The following HSPA5 variants were observed in gnomAD, a reference collection of about 807,000 sequenced individuals.
HSPA5 encodes the protein endoplasmic reticulum chaperone BiP.
A neutral mutation model predicts 49.5 loss-of-function variants in HSPA5; 16 were observed. The observed-to-expected ratio is 0.32, with a 90% CI of 0.22 to 0.49. The LOEUF is 0.49. Ranked by LOEUF, HSPA5 falls within the 20% of genes least tolerant of loss-of-function variation. The probability of loss-of-function intolerance (pLI) is 0.99; values close to 1 mark genes in which losing one functional copy is unlikely to be tolerated. For missense variants in HSPA5, 376 were observed against 819.0 expected, an observed-to-expected ratio of 0.46 and a Z score of 6.60; for synonymous variants, 271 against 307.2, an observed-to-expected ratio of 0.88 and a Z score of 1.23.
chr9:125,241,001 T>C lies in HSPA5; in HGVS notation c.122+4A>G, dbSNP rs928596582. 1.9e-6 allele frequency: 3 copies of C among 1,612,830 alleles called. No individual in the cohort carries two copies. The highest frequency in any genetic ancestry group is 1.7e-6 in the Non-Finnish European group (2 of 1,179,376). ...CGTCCCCCTGCATCCGCAACCCCACTTACCAGGAGTAGGTGGTCCCCAGGT... is the reference window on the plus strand; with the variant it reads ...CGTCCCCCTGCATCCGCAACCCCACCTACCAGGAGTAGGTGGTCCCCAGGT... On this transcript the variant is annotated splice_donor_region_variant and intron_variant, in intron 1 of 7. Coordinates refer to ENST00000324460, the MANE Select transcript of HSPA5 (RefSeq NM_005347.5).
At position 125,238,127 on chromosome 9, in the gene HSPA5, A is replaced by C; in HGVS notation, c.1402+14T>G. ...AAAAAAAAAGCCATGATATTAACAA[A>C]CTTAAGTAATTACCTTCATAGACCT... On this transcript the variant is annotated intron_variant, in intron 7 of 7. Transcript: ENST00000324460. 1 of 1,607,666 alleles carries C rather than the reference A, an allele frequency of 6.2e-7. No homozygotes were observed.
Position 125,241,165 on chromosome 9 carries a change from C to G in HSPA5, c.-39G>C, listed in dbSNP as rs1373707952. 1.9e-6 allele frequency: 3 copies of G among 1,595,098 alleles called. No individual in the cohort carries two copies. The highest frequency in any genetic ancestry group is 2.6e-6 in the Non-Finnish European group (3 of 1,172,584). ...TGGGCAGCAGCAGGCAGTCCAGCCACAGGCCGTAGCACAGGAGCACAGCGC... is the reference window on the plus strand; with the variant it reads ...TGGGCAGCAGCAGGCAGTCCAGCCAGAGGCCGTAGCACAGGAGCACAGCGC... On this transcript the variant is annotated 5_prime_UTR_variant, in exon 1 of 8. Transcript: ENST00000324460.
chr9:125,236,400 T>C lies in HSPA5; in HGVS notation c.*192A>G. On this transcript the variant is annotated 3_prime_UTR_variant, in exon 8 of 8. Coordinates refer to ENST00000324460, the MANE Select transcript of HSPA5 (RefSeq NM_005347.5). ...TTTTTAAGATGGCCAATTCTTCTTCTCCCCCCCACCCAAAGACATGTGAGC... is the reference window on the plus strand; with the variant it reads ...TTTTTAAGATGGCCAATTCTTCTTCCCCCCCCCACCCAAAGACATGTGAGC... 1 of 485,094 alleles carries C rather than the reference T, an allele frequency of 2.1e-6. No individual in the cohort carries two copies. 30.0% of individuals were successfully genotyped at this position (485,094 alleles called of 1,614,324 possible). A position where few individuals can be genotyped will look rare whatever the true frequency, so the allele number is the denominator to read the frequency against.
rs779884716 is a variant in HSPA5, at chr9:125,238,805, T to C, written c.1019A>G (p.Lys340Arg). ...ATCTTCCAACACTTTCTGGACGGGC[T>C]TCATAGTAGACCGGAACAGATCCTA... ...LNMDLFRSTM[K>R]PVQKVLEDSD... The change falls in exon 6 of 8, where the codon AAG (lysine) becomes AGG (arginine). Residue 340 changes from lysine (K) to arginine (R), a missense_variant. Coordinates refer to ENST00000324460, the MANE Select transcript of HSPA5 (RefSeq NM_005347.5). The C allele has an allele frequency of 2.5e-6, 4 of 1,614,168 alleles. No individual in the cohort carries two copies. In the South Asian group the frequency reaches 4.4e-5, roughly 18 times the overall value.
In HSPA5 at chr9:125,236,011, G is replaced by A. The variant is rs1832486863; in HGVS notation, c.*581C>T. 6.6e-6 allele frequency: 1 copy of A among 151,628 alleles called. No individual in the cohort carries two copies. Among genetic ancestry groups the A allele is most frequent in the South Asian group, 2.1e-4 (1 of 4,796 alleles). 9.4% of individuals were successfully genotyped at this position (151,628 alleles called of 1,614,324 possible). On this transcript the variant is annotated 3_prime_UTR_variant, in exon 8 of 8. Transcript: ENST00000324460. ...TTAGATTAATGCAAAAGCCGAGCAT[G>A]GTGGTAACAAGCCTGTGGTCTCAAT...
chr9:125,238,039 T>C, intron 7 of HSPA5, 102 bp downstream of exon 7: 1 of 853,054 alleles, frequency 1.2e-6, no homozygotes, highest in Non-Finnish European at 1.9e-6. Context: ...GAGACAGAAT[T>C]TGCAGTGAGC....
rs11542737 is a variant in HSPA5 at position 125,241,180 on chromosome 9, G to A, written c.-54C>T. On this transcript the variant is annotated 5_prime_UTR_variant, in exon 1 of 8. Transcript: ENST00000324460. The stretch of plus-strand genomic sequence containing the variant: ...AGTCCAGCCACAGGCCGTAGCACAG[G>A]AGCACAGCGCAATTTCCGACTTGCA... 179 of 1,563,020 alleles carry A rather than the reference G, an allele frequency of 1.1e-4. No homozygotes were observed. The African/African-American group carries it at 2.1e-3, about 19-fold the overall frequency.
chr9:125,238,681 G>T lies in HSPA5; in HGVS notation c.1143C>A (p.Gly381=). The change falls in exon 6 of 8, where the codon GGC becomes GGA. Residue 381 remains glycine (G), a synonymous_variant. Coordinates refer to ENST00000324460, the MANE Select transcript of HSPA5 (RefSeq NM_005347.5). ...IQQLVKEFFN[G]KEPSRGINPD... Reference sequence around the variant, plus strand: ...GGTTTATGCCACGGGATGGTTCCTTGCCATTGAAGAACTCTTTAACCAGTT... The same window carrying T: ...GGTTTATGCCACGGGATGGTTCCTTTCCATTGAAGAACTCTTTAACCAGTT... 6.2e-7 allele frequency: 1 copy of T among 1,614,132 alleles called. No individual in the cohort carries two copies. Among genetic ancestry groups the T allele is most frequent in the Non-Finnish European group, 8.5e-7 (1 of 1,180,018 alleles).
In HSPA5 at chr9:125,241,204, C is replaced by T. The variant is rs1360647582; in HGVS notation, c.-78G>A. ...GGAGCACAGCGCAATTTCCGACTTGCAGGCGGCAGGGGCCCGGGGTCACAA... is the reference window on the plus strand; with the variant it reads ...GGAGCACAGCGCAATTTCCGACTTGTAGGCGGCAGGGGCCCGGGGTCACAA... On this transcript the variant is annotated 5_prime_UTR_variant, in exon 1 of 8. Coordinates refer to ENST00000324460, the MANE Select transcript of HSPA5 (RefSeq NM_005347.5). 2.0e-6 allele frequency: 3 copies of T among 1,518,680 alleles called. No individual in the cohort carries two copies. In the African/African-American group the frequency reaches 4.1e-5, roughly 21 times the overall value. 94.1% of individuals were successfully genotyped at this position (1,518,680 alleles called of 1,614,324 possible).
In HSPA5 at chr9:125,240,312, A is replaced by G. The variant is rs747522707; in HGVS notation, c.355-3T>C. 1 of 1,596,110 alleles carries G rather than the reference A, an allele frequency of 6.3e-7. No individual in the cohort carries two copies. The highest frequency in any genetic ancestry group is 1.1e-5 in the South Asian group (1 of 88,392). On this transcript the variant is annotated splice_polypyrimidine_tract_variant and splice_region_variant and intron_variant, in intron 2 of 7. Coordinates refer to ENST00000324460, the MANE Select transcript of HSPA5 (RefSeq NM_005347.5). This position sits in a 1 kb window ranked among gnomAD's most constrained non-coding sequence, Gnocchi z 4.4. ...GGTTTAGTTTTCTTTTCAACCACCTATTTTAAAGAATTATTGTTTTCAGAC... is the reference window on the plus strand; with the variant it reads ...GGTTTAGTTTTCTTTTCAACCACCTGTTTTAAAGAATTATTGTTTTCAGAC...
chr9:125,235,376 A>G lies in HSPA5; in HGVS notation c.*1216T>C, dbSNP rs1445587269. 6.6e-6 allele frequency: 1 copy of G among 151,036 alleles called. No individual in the cohort carries two copies. Among genetic ancestry groups the G allele is most frequent in the Non-Finnish European group, 1.5e-5 (1 of 67,872 alleles). 9.4% of individuals were successfully genotyped at this position (151,036 alleles called of 1,614,324 possible). On this transcript the variant is annotated 3_prime_UTR_variant, in exon 8 of 8. Transcript: ENST00000324460. ...ACTACCACGCCCAGCTAATTTTTGT[A>G]TTTTCAGTAGAGATGGAGTTTCACC...
Position 125,236,742 on chromosome 9 carries a change from C to T in HSPA5, c.1815G>A (p.Leu605=). Residue 605 remains leucine, a synonymous_variant, in exon 8 of 8, where the codon CTG becomes CTA. Coordinates refer to ENST00000324460, the MANE Select transcript of HSPA5 (RefSeq NM_005347.5). Reference sequence around the variant, plus strand: ...CAATGTCAGCATCTTGGTGGCTTTCCAGCCATTCAATCTTTTCTTCTACAG... The same window carrying T: ...CAATGTCAGCATCTTGGTGGCTTTCTAGCCATTCAATCTTTTCTTCTACAG... The part of the protein sequence containing the change: ...EKAVEEKIEW[L]ESHQDADIED... 1.9e-6 allele frequency: 3 copies of T among 1,613,788 alleles called. No individual in the cohort carries two copies. Among genetic ancestry groups the T allele is most frequent in the Non-Finnish European group, 2.5e-6 (3 of 1,179,750 alleles).
At position 125,238,194 on chromosome 9, in the gene HSPA5, A is replaced by G; in HGVS notation, c.1349T>C (p.Ile450Thr). 6.2e-7 allele frequency: 1 copy of G among 1,614,066 alleles called. No homozygotes were observed. The highest frequency in any genetic ancestry group is 1.1e-5 in the South Asian group (1 of 91,084). The change falls in exon 7 of 8, where the codon ATC becomes ACC. Residue 450 changes from isoleucine (I) to threonine (T), a missense_variant. Coordinates refer to ENST00000324460, the MANE Select transcript of HSPA5 (RefSeq NM_005347.5). ...NTVVPTKKSQIFSTASDNQPT... is the reference protein window; with the variant it reads ...NTVVPTKKSQTFSTASDNQPT... ...TTGATTATCAGAAGCTGTAGAAAAGATCTGAGACTTCTTGGTAGGCACCAC... is the reference window on the plus strand; with the variant it reads ...TTGATTATCAGAAGCTGTAGAAAAGGTCTGAGACTTCTTGGTAGGCACCAC...
Position 125,234,878 on chromosome 9 carries a change from G to GT in HSPA5, c.*1713dup, listed in dbSNP as rs975486505. On this transcript the variant is annotated 3_prime_UTR_variant, in exon 8 of 8. Coordinates refer to ENST00000324460, the MANE Select transcript of HSPA5 (RefSeq NM_005347.5). ...TTGAAGTCTATCTTTTTAATATTCA[G>GT]TAACAGCTCCTCAGAAAGAGTTACA... is the stretch of plus-strand genomic sequence containing the variant. The GT allele has an allele frequency of 2.0e-5, 3 of 152,062 alleles. No individual in the cohort carries two copies. Among genetic ancestry groups the GT allele is most frequent in the Admixed American group, 6.6e-5 (1 of 15,224 alleles). The allele number at this position is 152,062 out of a possible 1,614,324, so 9.4% of individuals were successfully genotyped here. A position where few individuals can be genotyped will look rare whatever the true frequency, so the allele number is the denominator to read the frequency against.
In HSPA5 at chr9:125,239,433, A is replaced by T; in HGVS notation, c.593T>A (p.Ile198Asn). 1 of 1,614,114 alleles carries T rather than the reference A, an allele frequency of 6.2e-7. No individual in the cohort carries two copies. Among genetic ancestry groups the T allele is most frequent in the Non-Finnish European group, 8.5e-7 (1 of 1,180,014 alleles). The part of the protein sequence containing the change: ...GTIAGLNVMR[I>N]INEPTAAAIA... ...ATTTCATACTTACGGCTCGTTGATG[A>T]TCCTCATAACATTTAGGCCAGCAAT... Residue 198 changes from isoleucine (I) to asparagine (N), a missense_variant, in exon 4 of 8, where the codon ATC becomes AAC. By Grantham distance (149) the Ile-to-Asn change is moderately radical. Transcript: ENST00000324460. This position sits in a 1 kb window ranked among gnomAD's most constrained non-coding sequence, Gnocchi z 5.5.
Position 125,236,307 on chromosome 9 carries a change from C to G in HSPA5, c.*285G>C. The G allele has an allele frequency of 2.9e-6, 1 of 350,750 alleles. No homozygotes were observed. The highest frequency in any genetic ancestry group is 5.1e-6 in the Non-Finnish European group (1 of 195,854). 21.7% of individuals were successfully genotyped at this position (350,750 alleles called of 1,614,324 possible). ...GAAAAAACTTCCTACACCAGATGCA[C>G]ATGACCCAGTTGTTAAATAGAACAT... On this transcript the variant is annotated 3_prime_UTR_variant, in exon 8 of 8. Transcript: ENST00000324460.
chr9:125,238,478 T>A, intron 6 of HSPA5, 112 bp downstream of exon 6: 1 of 1,016,232 alleles, frequency 9.8e-7, no homozygotes, highest in Non-Finnish European at 1.5e-6. Flanking sequence ...TTATACCCTT[T>A]ACTAGCTGTG....
In HSPA5 at chr9:125,241,087, T is replaced by TGAG. The variant is rs1832559376; in HGVS notation, c.37_39dup (p.Leu13dup). On this transcript the variant is annotated inframe_insertion, in exon 1 of 8. Coordinates refer to ENST00000324460, the MANE Select transcript of HSPA5 (RefSeq NM_005347.5). Reference sequence around the variant, plus strand: ...TCCTCCTCCTCGGCCCGCGCCGCGCTGAGCAGCAGCAGCATCGCGGCCACC... The same window carrying TGAG: ...TCCTCCTCCTCGGCCCGCGCCGCGCTGAGGAGCAGCAGCAGCATCGCGGCCACC... The TGAG allele has an allele frequency of 6.2e-7, 1 of 1,613,360 alleles. No individual in the cohort carries two copies.
rs1359599554 is a variant in HSPA5, at chr9:125,235,695, A to T, written c.*897T>A. 6.6e-6 allele frequency: 1 copy of T among 152,122 alleles called. No homozygotes were observed. Among genetic ancestry groups the T allele is most frequent in the Non-Finnish European group, 1.5e-5 (1 of 68,034 alleles). 9.4% of individuals were successfully genotyped at this position (152,122 alleles called of 1,614,324 possible). On this transcript the variant is annotated 3_prime_UTR_variant, in exon 8 of 8. Transcript: ENST00000324460. ...CTAATGAGAAATTTCAGGGATGGAGATTCTGACACAGCTAGGGTTCACAAT... is the reference window on the plus strand; with the variant it reads ...CTAATGAGAAATTTCAGGGATGGAGTTTCTGACACAGCTAGGGTTCACAAT...
Sources: allele counts gnomAD v4.1 joint callset, GRCh38; gene constraint gnomAD v4.1.1; non-coding constraint Gnocchi (gnomAD v3.1); transcripts MANE v1.5; gene names NCBI Gene and HGNC (gene_info 2026-07-23, HGNC 2026-07-21).